PCDHGB4: variants seen among roughly 807,000 people sequenced by gnomAD.
PCDHGB4 encodes the protein protocadherin gamma subfamily B, 4.
In PCDHGB4, 38 loss-of-function variants were observed where a neutral mutation model predicts 60.5. That is an observed-to-expected ratio of 0.63 (90% CI 0.48 to 0.82). The LOEUF is 0.82. Ranked by LOEUF, PCDHGB4 falls within the 40% of genes least tolerant of loss-of-function variation. The pLI is 0.00. For missense variants in PCDHGB4, 1,109 were observed against 1,209.6 expected, an observed-to-expected ratio of 0.92 and a Z score of 1.23; for synonymous variants, 456 against 509.7, an observed-to-expected ratio of 0.89 and a Z score of 1.42.
chr5:141,425,834 C>A (rs925446924), intron 1 of PCDHGB4, among the ~76,000 whole-genome samples: 1 of 152,220 alleles, frequency 6.6e-6, no homozygotes, highest in Non-Finnish European at 1.5e-5. Context: ...CTTTTAAATT[C>A]TCTTTGCTGG....
At chr5:141,406,002 A>G (rs1348687108) in intron 1 of PCDHGB4, among the ~76,000 whole-genome samples, 1 of 151,598 alleles carries the variant, frequency 6.6e-6, no homozygotes, top group Non-Finnish European at 1.5e-5. Flanking sequence ...CTCAGCCTGC[A>G]TTGATGTGGG....
chr5:141,403,241 G>C, intron 1 of PCDHGB4: 1 of 1,613,956 alleles, frequency 6.2e-7, no homozygotes. Flanking sequence ...GGAGCTCTGT[G>C]CTCAGAGCCC....
chr5:141,490,641 G>A lies in PCDHGB4; in HGVS notation c.2398-4166G>A. 3 of 1,614,160 alleles carry A rather than the reference G, an allele frequency of 1.9e-6. No homozygotes were observed. On this transcript the variant is annotated intron_variant, in intron 1 of 3. Transcript: ENST00000519479. This position sits in a 1 kb window ranked among gnomAD's most constrained non-coding sequence, Gnocchi z 5.4. Reference sequence around the variant, plus strand: ...ACACTGCTTACATCCTAGAAAACCGGCCTCCGGGCTCCCTTCTTTGCACTG... The same window carrying A: ...ACACTGCTTACATCCTAGAAAACCGACCTCCGGGCTCCCTTCTTTGCACTG...
intron 2 of PCDHGB4, among the ~76,000 whole-genome samples, chr5:141,504,948 T>C (rs1044527570): frequency 2.0e-5 from 3 of 152,080 alleles, no homozygotes; most frequent in Admixed American, 1.3e-4. Flanking sequence ...GAATGCACTA[T>C]GTTCAATGCA....
At chr5:141,418,549 C>A in intron 1 of PCDHGB4, 1 of 1,614,024 alleles carries the variant, frequency 6.2e-7, no homozygotes, top group Non-Finnish European at 8.5e-7. Context: ...AGATAAGAAT[C>A]CTGGTAATAG....
intron 1 of PCDHGB4, chr5:141,413,229 C>T (rs200934469): frequency 6.2e-7 from 1 of 1,613,914 alleles, no homozygotes; most frequent in African/African-American, 1.3e-5. Context: ...GCGGGCTGGT[C>T]CTGCTCTGCC....
intron 1 of PCDHGB4, among the ~76,000 whole-genome samples, chr5:141,482,800 G>C (rs10052648): frequency 0.023 from 2,992 of 130,874 alleles, 96 homozygotes; most frequent in African/African-American, 0.087. Context: ...GGCCGGGTAC[G>C]GTGGCTCATG....
chr5:141,488,677 G>A (rs2099678276), intron 1 of PCDHGB4, among the ~76,000 whole-genome samples: 2 of 152,184 alleles, frequency 1.3e-5, no homozygotes, highest in African/African-American at 2.4e-5. Context: ...CATGGGCTTT[G>A]CCTCTCCCAG....
At chr5:141,429,169 T>TACACACACACACACACACAAAC (rs2097191391) in intron 1 of PCDHGB4, 1 of 145,394 alleles carries the variant, frequency 6.9e-6, no homozygotes, top group East Asian at 2.0e-4. Flanking sequence ...ACATTGTTTA[T>TACACACACACACACACACAAAC]ACACACACAC....
intron 2 of PCDHGB4, among the ~76,000 whole-genome samples, chr5:141,503,295 T>C (rs567706089): frequency 6.6e-6 from 1 of 152,070 alleles, no homozygotes; most frequent in Non-Finnish European, 1.5e-5. Context: ...TACATAGAAA[T>C]TGCTCAAGAA....
At chr5:141,440,912 G>A (rs1281398967) in intron 1 of PCDHGB4, 1 of 152,254 alleles carries the variant, frequency 6.6e-6, no homozygotes, top group African/African-American at 2.4e-5. Context: ...GGGCACTCCT[G>A]TGCTGAGAGT....
At chr5:141,419,504 C>A in intron 1 of PCDHGB4, 1 of 1,612,298 alleles carries the variant, frequency 6.2e-7, no homozygotes, top group Non-Finnish European at 8.5e-7. Flanking sequence ...TGTGAGCCTG[C>A]GCGTGTTGGT....
At chr5:141,418,594 C>A in intron 1 of PCDHGB4, 4 of 1,614,022 alleles carry the variant, frequency 2.5e-6, no homozygotes, top group Non-Finnish European at 3.4e-6. Context: ...TCAGCCAGGA[C>A]GTGTACAGGG....
chr5:141,393,984 C>T (rs1176875822), intron 1 of PCDHGB4: 1 of 1,613,570 alleles, frequency 6.2e-7, no homozygotes, highest in Non-Finnish European at 8.5e-7. Flanking sequence ...TGATAATTTA[C>T]CTTTTAAATT....
rs144695545 is a variant in PCDHGB4, at chr5:141,487,156, C to G, written c.2398-7651C>G. ...CACCACTCTCTACCTCTGTTACTCT[C>G]TTAGTGTCCTTAGAGGAAGACACTC... On this transcript the variant is annotated intron_variant, in intron 1 of 3. Transcript: ENST00000519479. This position sits in a 1 kb window ranked among gnomAD's most constrained non-coding sequence, Gnocchi z 5.0. 105 of 1,613,896 alleles carry G rather than the reference C, an allele frequency of 6.5e-5. No homozygotes were observed. In the African/African-American group the frequency reaches 1.2e-3, roughly 18 times the overall value.
In PCDHGB4 at chr5:141,477,028, G is replaced by A. The variant is rs1015508317; in HGVS notation, c.2398-17779G>A. On this transcript the variant is annotated intron_variant, in intron 1 of 3. Coordinates refer to ENST00000519479, the MANE Select transcript of PCDHGB4 (RefSeq NM_003736.4). The surrounding 1 kb of genome is among the most constrained non-coding windows in gnomAD (Gnocchi z 4.9). ...CCTTAGACCTTGTAACCGGGATGCT[G>A]ACAATCAAGGGTCGGCTGGACTTCG... The A allele has an allele frequency of 2.5e-6, 4 of 1,614,146 alleles. No homozygotes were observed. The highest frequency in any genetic ancestry group is 1.7e-5 in the Admixed American group (1 of 60,018).
intron 3 of PCDHGB4, among the ~76,000 whole-genome samples, chr5:141,509,022 C>G (rs2099873807): frequency 6.6e-6 from 1 of 152,206 alleles, no homozygotes; most frequent in East Asian, 1.9e-4. Context: ...CAGCTGCTCC[C>G]TCCCACTCAA....
At chr5:141,420,208 A>G (rs1396340813) in intron 1 of PCDHGB4, 1 of 1,612,970 alleles carries the variant, frequency 6.2e-7, no homozygotes, top group Non-Finnish European at 8.5e-7. Flanking sequence ...ACCTCAACAA[A>G]GATAGCATGC....
intron 1 of PCDHGB4, among the ~76,000 whole-genome samples, chr5:141,488,553 T>C (rs2099676887): frequency 6.6e-6 from 1 of 152,166 alleles, no homozygotes; most frequent in South Asian, 2.1e-4. Flanking sequence ...TCAGCTGACA[T>C]TGAGATTTCC....
Sources: gnomAD v4.1 joint callset for allele counts (sites outside exome capture counted in the v4.1 genomes callset) on GRCh38, gnomAD v4.1.1 for gene constraint, Gnocchi (gnomAD v3.1) non-coding constraint, MANE v1.5 for transcripts, NCBI Gene and HGNC (gene_info 2026-07-23, HGNC 2026-07-21) for gene names.